Variants in EDIL3 observed in about 807,000 individuals in gnomAD.
The protein encoded by EDIL3 is EGF-like repeat and discoidin I-like domain-containing protein 3.
Under a neutral mutation model 67.4 loss-of-function variants are expected in EDIL3, and 37 were observed. The observed-to-expected ratio is 0.55, with a 90% CI of 0.42 to 0.72. EDIL3 has a LOEUF of 0.72. Ranked by LOEUF, EDIL3 falls within the 30% of genes least tolerant of loss-of-function variation. EDIL3 has a pLI of 0.00. For missense variants in EDIL3, 527 were observed against 586.3 expected (o/e 0.90, Z 1.04); for synonymous variants, 195 against 196.3 (o/e 0.99, Z 0.05).
At position 83,941,385 on chromosome 5, in the gene EDIL3, A is replaced by G. The variant is rs1744220648; in HGVS notation, c.*2034T>C. On this transcript the variant is annotated 3_prime_UTR_variant, in exon 11 of 11. Transcript: ENST00000296591. ...CAGGTATCAATAGAAAAAATTACAA[A>G]ACATCATATGAAGCTATAAATAATT... is the stretch of plus-strand genomic sequence containing the variant. The G allele has an allele frequency of 1.3e-5, 2 of 152,194 alleles. No individual in the cohort carries two copies. Among genetic ancestry groups the G allele is most frequent in the East Asian group, 3.9e-4 (2 of 5,172 alleles). 9.4% of individuals were successfully genotyped at this position (152,194 alleles called of 1,614,324 possible). A position where few individuals can be genotyped will look rare whatever the true frequency, so the allele number is the denominator to read the frequency against.
At chr5:84,001,209 G>T (rs1321851582) in intron 9 of EDIL3, among the ~76,000 whole-genome samples, 2 of 151,948 alleles carry the variant, frequency 1.3e-5, no homozygotes, top group African/African-American at 4.8e-5. Flanking sequence ...ACCACACCTG[G>T]CTAATTTTTT....
At chr5:84,125,970 C>T (rs995590567) in intron 5 of EDIL3, among the ~76,000 whole-genome samples, 5 of 151,796 alleles carry the variant, frequency 3.3e-5, no homozygotes, top group African/African-American at 1.2e-4. Context: ...TACCTCTTTT[C>T]CTTAGTCTTT....
At chr5:84,143,983 A>T (rs1038238031) in intron 4 of EDIL3, among the ~76,000 whole-genome samples, 1 of 151,998 alleles carries the variant, frequency 6.6e-6, no homozygotes, top group African/African-American at 2.4e-5. Flanking sequence ...GCTCCAGCCT[A>T]TTTCTAATGG....
intron 1 of EDIL3, among the ~76,000 whole-genome samples, chr5:84,350,434 C>T (rs536572466): frequency 6.6e-6 from 1 of 151,872 alleles, no homozygotes; most frequent in South Asian, 2.1e-4. Flanking sequence ...AAATGAGCAC[C>T]AGTAGCATGG....
At chr5:84,303,806 CTCTGTGTGTGTGTGTGTGTG>C (rs939373416) in intron 1 of EDIL3, among the ~76,000 whole-genome samples, 3 of 101,334 alleles carry the variant, frequency 3.0e-5, no homozygotes, top group East Asian at 2.3e-4. Context: ...CTCTCTCTCT[CTCTGTGTGTGTGTGTGTGTG>C]TGTGTGTGTG....
chr5:83,989,742 G>A (rs1375751027), intron 9 of EDIL3, among the ~76,000 whole-genome samples: 2 of 152,166 alleles, frequency 1.3e-5, no homozygotes, highest in East Asian at 1.9e-4. Flanking sequence ...TGAGACCTGT[G>A]ATTTGCTTCT....
intron 2 of EDIL3, among the ~76,000 whole-genome samples, chr5:84,249,495 CTATT>C (rs916071200): frequency 1.1e-4 from 17 of 150,016 alleles, no homozygotes; most frequent in South Asian, 6.3e-4. Context: ...GTCTGTCTAT[CTATT>C]TGTCTCATCA....
intron 1 of EDIL3, among the ~76,000 whole-genome samples, chr5:84,360,287 G>A (rs1346365323): frequency 6.6e-6 from 1 of 152,182 alleles, no homozygotes; most frequent in Non-Finnish European, 1.5e-5. Context: ...AGCGGTCACT[G>A]AGTAATTCAG....
At chr5:83,972,440 CACATAA>C in intron 9 of EDIL3, among the ~76,000 whole-genome samples, 1 of 152,084 alleles carries the variant, frequency 6.6e-6, no homozygotes, top group Admixed American at 6.6e-5. Flanking sequence ...CATCCCAATG[CACATAA>C]ATTTGTGCCC....
chr5:84,003,190 C>T (rs2112171709), intron 9 of EDIL3, among the ~76,000 whole-genome samples: 1 of 152,324 alleles, frequency 6.6e-6, no homozygotes, highest in South Asian at 2.1e-4. Flanking sequence ...CTTCAACAGG[C>T]AGGGTCCTAG....
chr5:84,346,625 A>T (rs139218976), intron 1 of EDIL3, among the ~76,000 whole-genome samples: 64 of 152,250 alleles, frequency 4.2e-4, no homozygotes, highest in African/African-American at 1.3e-3. Context: ...TCCTTGGGGA[A>T]TCCTGCTTTC....
At position 84,190,545 on chromosome 5, in the gene EDIL3, A is replaced by ATG. The variant is rs1361092036; in HGVS notation, c.227-10025_227-10024insCA. Among the ~76,000 whole-genome samples the ATG allele has an allele frequency of 4.0e-3, 225 of 56,478 alleles. 1 individual carries two copies. The highest frequency in any genetic ancestry group is 0.013 in the African/African-American group (198 of 15,386). 37.1% of individuals were successfully genotyped at this position (56,478 alleles called of 152,430 possible). ...GAGACCAGTATTTCTACATATATAT[A>ATG]TATATATGTGTGTGTGTGTGTGTGT... On this transcript the variant is annotated intron_variant, in intron 3 of 10. Transcript: ENST00000296591.
intron 1 of EDIL3, among the ~76,000 whole-genome samples, chr5:84,273,460 G>A (rs1408900461): frequency 1.3e-5 from 2 of 152,126 alleles, no homozygotes; most frequent in African/African-American, 2.4e-5. Context: ...TTGCTCCCAC[G>A]TGTAAAAAGT....
At chr5:83,954,639 A>G (rs1744480575) in intron 10 of EDIL3, among the ~76,000 whole-genome samples, 1 of 151,564 alleles carries the variant, frequency 6.6e-6, no homozygotes, top group South Asian at 2.1e-4. Flanking sequence ...AGCCAAATAA[A>G]CCTCCTTTCT....
chr5:83,982,344 A>G (rs1271200016), intron 9 of EDIL3, among the ~76,000 whole-genome samples: 4 of 152,104 alleles, frequency 2.6e-5, no homozygotes, highest in Non-Finnish European at 4.4e-5. Context: ...TAATAGATCT[A>G]TATTTCATAT....
At chr5:84,011,219 C>G (rs372654520) in intron 9 of EDIL3, among the ~76,000 whole-genome samples, 2 of 152,284 alleles carry the variant, frequency 1.3e-5, no homozygotes, top group African/African-American at 4.8e-5. Flanking sequence ...TGCAAACCCA[C>G]AGGATCCTAG....
In EDIL3 at chr5:84,348,356, C is replaced by T. The variant is rs139495347; in HGVS notation, c.67+35952G>A. Reference sequence around the variant, plus strand: ...TATGGGAGCTGGGCATTAGCCTGGGCACCCCAAAATCTTGGGCCTGAGGGA... The same window carrying T: ...TATGGGAGCTGGGCATTAGCCTGGGTACCCCAAAATCTTGGGCCTGAGGGA... On this transcript the variant is annotated intron_variant, in intron 1 of 10. Coordinates refer to ENST00000296591, the MANE Select transcript of EDIL3 (RefSeq NM_005711.5). Among the ~76,000 whole-genome samples the T allele has an allele frequency of 3.5e-3, 531 of 152,198 alleles. 2 individuals carry two copies. The highest frequency in any genetic ancestry group is 7.7e-3 in the Admixed American group (118 of 15,284).
intron 6 of EDIL3, among the ~76,000 whole-genome samples, chr5:84,071,077 C>T (rs1746732607): frequency 1.3e-5 from 2 of 152,156 alleles, no homozygotes; most frequent in Non-Finnish European, 2.9e-5. Flanking sequence ...ACTAGCAGGC[C>T]TGAGTGTTGT....
chr5:84,171,237 GA>G (rs1330685149), intron 4 of EDIL3, among the ~76,000 whole-genome samples: 2 of 151,838 alleles, frequency 1.3e-5, no homozygotes, highest in Non-Finnish European at 2.9e-5. Flanking sequence ...GAATAGAAAA[GA>G]AAAAAATGTT....
Sources: gnomAD v4.1 joint callset for allele counts (sites outside exome capture counted in the v4.1 genomes callset) on GRCh38, gnomAD v4.1.1 for gene constraint, MANE v1.5 for transcripts, NCBI Gene and HGNC (gene_info 2026-07-23, HGNC 2026-07-21) for gene names.